The following DTL variants were observed in gnomAD, a reference collection of about 807,000 sequenced individuals.
The protein encoded by DTL is denticleless protein homolog.
A neutral mutation model predicts 87.0 loss-of-function variants in DTL; 46 were observed. That is an observed-to-expected ratio of 0.53 (90% confidence interval 0.42 to 0.68). DTL has a LOEUF of 0.68. Ranked by LOEUF, DTL falls within the 30% of genes least tolerant of loss-of-function variation. The pLI is 0.00. For missense variants in DTL, 737 were observed against 869.4 expected (o/e 0.85, Z 1.91); for synonymous variants, 308 against 311.2 (o/e 0.99, Z 0.11).
In DTL at chr1:212,103,170, A is replaced by T. The variant is rs1655673753; in HGVS notation, c.*230A>T. The T allele has an allele frequency of 3.4e-6, 1 of 294,958 alleles. No homozygotes were observed. Among genetic ancestry groups the T allele is most frequent in the African/African-American group, 2.2e-5 (1 of 45,820 alleles). The allele number at this position is 294,958 out of a possible 1,614,324, so 18.3% of individuals were successfully genotyped here. A position where few individuals can be genotyped will look rare whatever the true frequency, so the allele number is the denominator to read the frequency against. On this transcript the variant is annotated 3_prime_UTR_variant, in exon 15 of 15. Coordinates refer to ENST00000366991, the MANE Select transcript of DTL (RefSeq NM_016448.4). Reference sequence around the variant, plus strand: ...GATGAATGCTGTGTTTAAATTTCATAAAGTAAATTTGTCACTCTAGCATTT... The same window carrying T: ...GATGAATGCTGTGTTTAAATTTCATTAAGTAAATTTGTCACTCTAGCATTT...
intron 5 of DTL, among the ~76,000 whole-genome samples, chr1:212,052,889 G>A (rs995096379): frequency 2.0e-5 from 3 of 151,942 alleles, no homozygotes; most frequent in Non-Finnish European, 4.4e-5. Context: ...GTGGTTTTTA[G>A]TTTATTCACT....
chr1:212,064,456 G>A (rs10863936), intron 6 of DTL, among the ~76,000 whole-genome samples: 90,407 of 151,962 alleles, frequency 0.59, 27,406 homozygotes, highest in East Asian at 0.74. Context: ...GTGTAATGAC[G>A]TGCGTCCACC....
intron 5 of DTL, among the ~76,000 whole-genome samples, chr1:212,055,369 CA>C (rs1163648136): frequency 6.6e-6 from 1 of 152,114 alleles, no homozygotes; most frequent in Non-Finnish European, 1.5e-5. Flanking sequence ...TTCATGAAGG[CA>C]TTGCTCCAGA....
chr1:212,075,670 A>G (rs1321840242), intron 11 of DTL, among the ~76,000 whole-genome samples: 3 of 152,180 alleles, frequency 2.0e-5, no homozygotes, highest in Non-Finnish European at 4.4e-5. Context: ...TTAGTTTCTC[A>G]TTTTAACCCA....
intron 10 of DTL, among the ~76,000 whole-genome samples, chr1:212,070,952 T>C (rs1654652799): frequency 6.6e-6 from 1 of 152,206 alleles, no homozygotes; most frequent in Admixed American, 6.5e-5. Context: ...GGCTAGAGTT[T>C]TCCATTCATA....
chr1:212,075,530 T>G (rs1469145107), intron 11 of DTL, among the ~76,000 whole-genome samples: 3 of 152,260 alleles, frequency 2.0e-5, no homozygotes, highest in Non-Finnish European at 4.4e-5. Flanking sequence ...TTTATTTGAA[T>G]AAAAATGAAG....
intron 11 of DTL, among the ~76,000 whole-genome samples, chr1:212,073,287 C>T (rs1654730707): frequency 6.6e-6 from 1 of 152,156 alleles, no homozygotes; most frequent in Admixed American, 6.5e-5. Flanking sequence ...TTACCCATGA[C>T]TAAGAATTAA....
chr1:212,047,432 A>G lies in DTL; in HGVS notation c.460+15A>G, dbSNP rs1048801892. On this transcript the variant is annotated intron_variant, in intron 5 of 14. Transcript: ENST00000366991. ...GTTTGAGAAAGGTAGGTTTGTGCTT[A>G]TCTTCTTTCATCTCCTTAACCTTCT... 2 of 1,613,956 alleles carry G rather than the reference A, an allele frequency of 1.2e-6. No individual in the cohort carries two copies. Among genetic ancestry groups the G allele is most frequent in the Non-Finnish European group, 8.5e-7 (1 of 1,179,990 alleles).
At chr1:212,088,730 C>G (rs1410917990) in intron 13 of DTL, among the ~76,000 whole-genome samples, 3 of 152,184 alleles carry the variant, frequency 2.0e-5, no homozygotes, top group South Asian at 4.1e-4. Context: ...TAACGTGATC[C>G]TAGAATAGCA....
chr1:212,038,856 T>C (rs1667560907), intron 1 of DTL, among the ~76,000 whole-genome samples: 1 of 152,248 alleles, frequency 6.6e-6, no homozygotes, highest in African/African-American at 2.4e-5. Flanking sequence ...ATTGACATTT[T>C]AAAAATAAAA....
intron 2 of DTL, 116 bp downstream of exon 2, chr1:212,043,234 A>G: frequency 9.3e-7 from 1 of 1,075,864 alleles, no homozygotes; most frequent in Admixed American, 2.6e-5. Flanking sequence ...TGGATGTTAG[A>G]GTTTTTGTAA....
intron 13 of DTL, among the ~76,000 whole-genome samples, chr1:212,091,017 G>T (rs898027828): frequency 6.6e-6 from 1 of 152,212 alleles, no homozygotes; most frequent in Non-Finnish European, 1.5e-5. Flanking sequence ...AGCGTTAAAT[G>T]TGTTGTAGAA....
At chr1:212,084,361 T>C (rs554146801) in intron 13 of DTL, among the ~76,000 whole-genome samples, 2 of 152,230 alleles carry the variant, frequency 1.3e-5, no homozygotes, top group Non-Finnish European at 2.9e-5. Context: ...AATTTTTGTA[T>C]TTTTAGTAGA....
chr1:212,074,901 G>C (rs1016035701), intron 11 of DTL, among the ~76,000 whole-genome samples: 3 of 151,976 alleles, frequency 2.0e-5, no homozygotes, highest in Non-Finnish European at 4.4e-5. Flanking sequence ...AATATATTCG[G>C]GCTGATATTG....
chr1:212,048,257 TC>T (rs1349351253), intron 5 of DTL, among the ~76,000 whole-genome samples: 2 of 152,180 alleles, frequency 1.3e-5, no homozygotes, highest in African/African-American at 4.8e-5. Flanking sequence ...AGGCTCGATC[TC>T]AGCTCACTGC....
chr1:212,040,853 A>G (rs1667618142), intron 1 of DTL, among the ~76,000 whole-genome samples: 1 of 152,230 alleles, frequency 6.6e-6, no homozygotes, highest in African/African-American at 2.4e-5. Flanking sequence ...TTGCCACTCA[A>G]AATGGCACAC....
intron 5 of DTL, among the ~76,000 whole-genome samples, chr1:212,062,461 T>C (rs890680231): frequency 9.9e-5 from 15 of 152,210 alleles, no homozygotes; most frequent in African/African-American, 3.6e-4. Context: ...CTGCCAGGAA[T>C]ACCTTTACAA....
chr1:212,068,196 CA>C (rs1654564860), intron 8 of DTL, 27 bp from the exon 9 acceptor site: 1 of 1,519,446 alleles, frequency 6.6e-7, no homozygotes, highest in Admixed American at 1.9e-5. Flanking sequence ...AGAAGGTCTA[CA>C]AAATATTTAT....
At position 212,100,523 on chromosome 1, in the gene DTL, A is replaced by G. The variant is rs144105202; in HGVS notation, c.1533A>G (p.Ser511=). ...IRNWVTRTPS[S]SPPITPPASE... ...ACTGGGTGACCCGAACACCTTCCTC[A>G]TCACCACCCATCACTCCACCTGCTT... Residue 511 remains serine (S), a synonymous_variant, in exon 14 of 15, where the codon TCA becomes TCG. Coordinates refer to ENST00000366991, the MANE Select transcript of DTL (RefSeq NM_016448.4). 1.6e-4 allele frequency: 255 copies of G among 1,613,944 alleles called. 2 individuals are homozygous for G. In the African/African-American group the frequency reaches 2.7e-3, roughly 17 times the overall value.
Sources: gnomAD v4.1 joint callset for allele counts (sites outside exome capture counted in the v4.1 genomes callset) on GRCh38, gnomAD v4.1.1 for gene constraint, MANE v1.5 for transcripts, NCBI Gene and HGNC (gene_info 2026-07-23, HGNC 2026-07-21) for gene names.